The following NCOA4 variants were observed in gnomAD, a reference collection of about 807,000 sequenced individuals.
NCOA4 encodes nuclear receptor coactivator 4, also known as 70 kDa AR-activator.
In NCOA4, 31 loss-of-function variants were observed where a neutral mutation model predicts 69.5. The observed-to-expected ratio is 0.45, with a 90% CI of 0.34 to 0.60. NCOA4 has a LOEUF of 0.60. Among genes scored for constraint, NCOA4 ranks in the 20% least tolerant of loss-of-function variants. NCOA4 has a pLI of 0.02. For missense variants in NCOA4, 600 were observed against 719.2 expected (o/e 0.83, Z 1.90); for synonymous variants, 228 against 252.4 (o/e 0.90, Z 0.92).
At chr10:46,017,804 CAT>C (rs1313519631) in intron 1 of NCOA4, among the ~76,000 whole-genome samples, 6 of 152,148 alleles carry the variant, frequency 3.9e-5, no homozygotes, top group South Asian at 2.1e-4. Context: ...GACTGTAACA[CAT>C]GAGTGTCAGT....
intron 1 of NCOA4, chr10:46,023,578 C>CCCTCCCCGCTGGG: frequency 1.0e-6 from 1 of 957,290 alleles, no homozygotes; most frequent in South Asian, 4.8e-5. Context: ...CCCTGCAGCT[C>CCCTCCCCGCTGGG]CCTCCCCGCT....
chr10:46,027,456 G>A (rs2132390694), intron 1 of NCOA4: 1 of 1,551,498 alleles, frequency 6.4e-7, no homozygotes, highest in African/African-American at 1.4e-5. Flanking sequence ...GTGGTCAACT[G>A]GGCCCCCATT....
intron 1 of NCOA4, chr10:46,022,408 T>C: frequency 2.2e-6 from 1 of 453,140 alleles, no homozygotes; most frequent in Middle Eastern, 3.4e-4. Context: ...AATTTTACCT[T>C]GAGACTTTTT....
At chr10:46,008,692 A>G (rs1839003158) in intron 9 of NCOA4, among the ~76,000 whole-genome samples, 1 of 152,220 alleles carries the variant, frequency 6.6e-6, no homozygotes, top group Non-Finnish European at 1.5e-5. Context: ...ACATGGTTTG[A>G]CTCCAATTTT....
At position 46,006,545 on chromosome 10, in the gene NCOA4, G is replaced by A. The variant is rs782295183; in HGVS notation, c.*47C>T. ...GGCAAGCTGCAGTCACTCAGCTCATGATGTGTGATAATCAGCAGAAAGGCT... is the reference window on the plus strand; with the variant it reads ...GGCAAGCTGCAGTCACTCAGCTCATAATGTGTGATAATCAGCAGAAAGGCT... On this transcript the variant is annotated 3_prime_UTR_variant, in exon 10 of 10. Coordinates refer to ENST00000581486, the MANE Select transcript of NCOA4 (RefSeq NM_001145263.2). 1.9e-6 allele frequency: 3 copies of A among 1,610,030 alleles called. No homozygotes were observed. In the South Asian group the frequency reaches 3.3e-5, roughly 18 times the overall value.
intron 2 of NCOA4, 108 bp downstream of exon 2, chr10:46,016,432 C>T (rs969025025): frequency 3.9e-6 from 4 of 1,017,116 alleles, no homozygotes; most frequent in East Asian, 5.8e-5. Flanking sequence ...CCACGCAAGG[C>T]ATGGGGTGAA....
rs58918538 is a variant in NCOA4, at chr10:46,014,030, A to AT, written c.481-392dup. On this transcript the variant is annotated intron_variant, in intron 5 of 9. Transcript: ENST00000581486. ...CCTAGGCAACTTAATCAGAATATGA[A>AT]TTTTTTTTTTTTTAGGCGGAGTCTC... 5.6e-4 allele frequency among the ~76,000 whole-genome samples: 82 copies of AT among 147,090 alleles called. 1 individual carries two copies. Among genetic ancestry groups the AT allele is most frequent in the East Asian group, 4.9e-3 (25 of 5,064 alleles).
In NCOA4 at chr10:46,006,122, G is replaced by A. The variant is rs1838795481; in HGVS notation, c.*470C>T. The A allele has an allele frequency of 4.5e-6, 1 of 223,402 alleles. No homozygotes were observed. The highest frequency in any genetic ancestry group is 2.2e-5 in the African/African-American group (1 of 44,714). 13.8% of individuals were successfully genotyped at this position (223,402 alleles called of 1,614,324 possible). Reference sequence around the variant, plus strand: ...GTGCAAAATACACTATGTATTAATAGAACAGGAAAATAATTATTTCAGACC... The same window carrying A: ...GTGCAAAATACACTATGTATTAATAAAACAGGAAAATAATTATTTCAGACC... On this transcript the variant is annotated 3_prime_UTR_variant, in exon 10 of 10. Coordinates refer to ENST00000581486, the MANE Select transcript of NCOA4 (RefSeq NM_001145263.2).
intron 1 of NCOA4, among the ~76,000 whole-genome samples, chr10:46,026,268 T>A (rs1213140160): frequency 6.6e-6 from 1 of 152,216 alleles, no homozygotes; most frequent in Non-Finnish European, 1.5e-5. Context: ...CCACTGAAAG[T>A]ATGATCCCAG....
At chr10:46,027,444 A>C (rs10761581) in intron 1 of NCOA4, 672,088 of 1,549,152 alleles carry the variant, frequency 0.43, 149,811 homozygotes, top group South Asian at 0.65. Flanking sequence ...GCTAGAGCAA[A>C]AGTGGTCAAC....
chr10:46,012,070 G>GAAAAAA lies in NCOA4; in HGVS notation c.714+807_714+812dup, dbSNP rs71026286. 5.7e-3 allele frequency among the ~76,000 whole-genome samples: 252 copies of GAAAAAA among 44,544 alleles called. 15 individuals carry two copies. The highest frequency in any genetic ancestry group is 7.0e-3 in the Non-Finnish European group (172 of 24,402). The allele number at this position is 44,544 out of a possible 152,430, so 29.2% of individuals were successfully genotyped here. On this transcript the variant is annotated intron_variant, in intron 7 of 9. Coordinates refer to ENST00000581486, the MANE Select transcript of NCOA4 (RefSeq NM_001145263.2). ...AGCAAGACTCGGTCTCAAAAAGAAAGAAAAAAAAAAAAAAAAAAAAAAAAA... is the reference window on the plus strand; with the variant it reads ...AGCAAGACTCGGTCTCAAAAAGAAAGAAAAAAAAAAAAAAAAAAAAAAAAAAAAAAA...
chr10:46,023,795 A>G (rs1431912024), intron 1 of NCOA4, among the ~76,000 whole-genome samples: 1 of 152,260 alleles, frequency 6.6e-6, no homozygotes, highest in East Asian at 1.9e-4. Context: ...CTGGCAATAT[A>G]GCCCTACCTA....
At chr10:46,009,869 G>A (rs1839096886) in intron 8 of NCOA4, among the ~76,000 whole-genome samples, 1 of 152,146 alleles carries the variant, frequency 6.6e-6, no homozygotes, top group Non-Finnish European at 1.5e-5. Flanking sequence ...TTGGGATTAT[G>A]AAATATGAAA....
rs1158167204 is a variant in NCOA4, at chr10:46,006,272, T to G, written c.*320A>C. 7.6e-6 allele frequency: 3 copies of G among 393,946 alleles called. No homozygotes were observed. The highest frequency in any genetic ancestry group is 9.3e-6 in the Non-Finnish European group (2 of 214,808). The allele number at this position is 393,946 out of a possible 1,614,324, so 24.4% of individuals were successfully genotyped here. A position where few individuals can be genotyped will look rare whatever the true frequency, so the allele number is the denominator to read the frequency against. ...CAAGAGTGTTTTAATGTACTTTTAG[T>G]AACGACCCAATCTAAGGAGCCTTGG... On this transcript the variant is annotated 3_prime_UTR_variant, in exon 10 of 10. Coordinates refer to ENST00000581486, the MANE Select transcript of NCOA4 (RefSeq NM_001145263.2).
Position 46,006,536 on chromosome 10 carries a change from T to A in NCOA4, c.*56A>T, listed in dbSNP as rs1315462166. On this transcript the variant is annotated 3_prime_UTR_variant, in exon 10 of 10. Transcript: ENST00000581486. ...CAAAGATTTGGCAAGCTGCAGTCAC[T>A]CAGCTCATGATGTGTGATAATCAGC... 3.1e-6 allele frequency: 5 copies of A among 1,601,394 alleles called. No homozygotes were observed. Among genetic ancestry groups the A allele is most frequent in the Non-Finnish European group, 4.3e-6 (5 of 1,169,332 alleles).
intron 1 of NCOA4, among the ~76,000 whole-genome samples, chr10:46,020,550 T>C (rs1839811882): frequency 6.6e-6 from 1 of 152,204 alleles, no homozygotes; most frequent in Non-Finnish European, 1.5e-5. Flanking sequence ...CCATTTGCCC[T>C]TGTGGAACCT....
At position 46,006,501 on chromosome 10, in the gene NCOA4, C is replaced by T; in HGVS notation, c.*91G>A. On this transcript the variant is annotated 3_prime_UTR_variant, in exon 10 of 10. Transcript: ENST00000581486. ...AGAAGAACTAAGCTAATTGGTCAGA[C>T]CCAGAAACACAAAGATTTGGCAAGC... 3 of 1,477,312 alleles carry T rather than the reference C, an allele frequency of 2.0e-6. No individual in the cohort carries two copies. The highest frequency in any genetic ancestry group is 1.9e-6 in the Non-Finnish European group (2 of 1,057,012). The allele number at this position is 1,477,312 out of a possible 1,614,324, so 91.5% of individuals were successfully genotyped here.
At position 46,010,500 on chromosome 10, in the gene NCOA4, G is replaced by C. The variant is rs1132111; in HGVS notation, c.1421C>G (p.Pro474Arg). 6 of 1,614,166 alleles carry C rather than the reference G, an allele frequency of 3.7e-6. No individual in the cohort carries two copies. The highest frequency in any genetic ancestry group is 2.2e-5 in the East Asian group (1 of 44,878). ...RKEVIEQTKA[P>R]KAMTPSRIAD... ...AATTCTAGAAGGAGTCATTGCCTTT[G>C]GTGCTTTAGTTTGTTCTATTACTTC... The change falls in exon 8 of 10, where the codon CCA (proline) becomes CGA (arginine). Residue 474 changes from proline to arginine, a missense_variant. Pro to Arg is a moderately radical substitution (Grantham distance 103, BLOSUM62 -2). Coordinates refer to ENST00000581486, the MANE Select transcript of NCOA4 (RefSeq NM_001145263.2).
At chr10:46,010,085 TG>T in intron 8 of NCOA4, 137 bp downstream of exon 8, 1 of 1,097,376 alleles carries the variant, frequency 9.1e-7, no homozygotes, top group Non-Finnish European at 1.3e-6. Context: ...GGGGGATGGC[TG>T]GAGCCTCGGA....
Sources: gnomAD v4.1 joint callset for allele counts (sites outside exome capture counted in the v4.1 genomes callset) on GRCh38, gnomAD v4.1.1 for gene constraint, MANE v1.5 for transcripts, NCBI Gene and HGNC (gene_info 2026-07-23, HGNC 2026-07-21) for gene names.